The following RBCK1 variants were observed in gnomAD, a reference collection of about 807,000 sequenced individuals.
RBCK1 encodes RANBP2-type and C3HC4-type zinc finger containing 1.
Under a neutral mutation model 71.1 loss-of-function variants are expected in RBCK1, and 44 were observed. The observed-to-expected ratio is 0.62, with a 90% CI of 0.49 to 0.80. The LOEUF (loss-of-function observed/expected upper bound fraction) is 0.80, where lower values mean the gene tolerates loss of function less well. Among genes scored for constraint, RBCK1 ranks in the 30% least tolerant of loss-of-function variants. The pLI is 0.00. For synonymous variants in RBCK1, 306 were observed against 279.7 expected (o/e 1.09, Z -0.94); for missense variants, 569 against 685.0 (o/e 0.83, Z 1.89).
rs562810332 is a variant in RBCK1 at position 411,358 on chromosome 20, C to T, written c.167+1333C>T. Among the ~76,000 whole-genome samples, 7 of 152,214 alleles carry T rather than the reference C, an allele frequency of 4.6e-5. No homozygotes were observed. In the East Asian group the frequency reaches 1.4e-3, roughly 29 times the overall value. The stretch of plus-strand genomic sequence containing the variant: ...AGCTGGGACTACTGGCATGTACCAC[C>T]ACACCCGGCTAATTTTTTTTTTCTT... On this transcript the variant is annotated intron_variant, in intron 2 of 11. Transcript: ENST00000356286.
At chr20:409,385 C>T (rs571878697) in intron 1 of RBCK1, among the ~76,000 whole-genome samples, 1 of 152,318 alleles carries the variant, frequency 6.6e-6, no homozygotes, top group Non-Finnish European at 1.5e-5. Context: ...CAGGTCTTAG[C>T]TTCAGTGTTA....
chr20:427,681 G>C lies in RBCK1; in HGVS notation c.1209+189G>C, dbSNP rs372810496. The stretch of plus-strand genomic sequence containing the variant: ...CCCTGGCCCCACAGACGGAGTCCCA[G>C]CCCCAGCCCCAGATGGAGCCTCAAA... On this transcript the variant is annotated intron_variant, in intron 9 of 11. Coordinates refer to ENST00000356286, the MANE Select transcript of RBCK1 (RefSeq NM_031229.4). 1.8e-4 allele frequency among the ~76,000 whole-genome samples: 27 copies of C among 152,230 alleles called. No individual in the cohort carries two copies. In the East Asian group the frequency reaches 4.1e-3, roughly 23 times the overall value.
chr20:408,830 C>T (rs770342689), intron 1 of RBCK1, 51 bp downstream of exon 1: 12 of 1,588,088 alleles, frequency 7.6e-6, no homozygotes, highest in Non-Finnish European at 8.6e-6. Context: ...AAGTGGGCCC[C>T]GCAGGACCTG....
chr20:420,255 C>A, intron 6 of RBCK1: 1 of 985,050 alleles, frequency 1.0e-6, no homozygotes, highest in Non-Finnish European at 1.2e-6. Context: ...GGGGGATGAC[C>A]CCCGACCCCG....
chr20:420,016 A>G, intron 6 of RBCK1: 1 of 984,578 alleles, frequency 1.0e-6, no homozygotes, highest in African/African-American at 1.8e-5. Context: ...CAGCTTTGAC[A>G]CACCACACGA....
chr20:428,650 G>A lies in RBCK1; in HGVS notation c.1308+61G>A. On this transcript the variant is annotated intron_variant, in intron 10 of 11. Transcript: ENST00000356286. The surrounding 1 kb of genome is among the most constrained non-coding windows in gnomAD (Gnocchi z 5.7). ...AAGTTCTGGGATCCAGGTGGGGGCT[G>A]GGGGCTTCCCAGTAAGGGCTGTGCT... 6.7e-7 allele frequency: 1 copy of A among 1,500,900 alleles called. No individual in the cohort carries two copies. The highest frequency in any genetic ancestry group is 9.0e-7 in the Non-Finnish European group (1 of 1,114,284). 93.0% of individuals were successfully genotyped at this position (1,500,900 alleles called of 1,614,324 possible).
At chr20:420,827 C>T in intron 6 of RBCK1, 44 bp from the exon 7 acceptor site, 1 of 1,527,892 alleles carries the variant, frequency 6.5e-7, no homozygotes. Context: ...CTGACCCGCC[C>T]CCGAGGCCCT....
In RBCK1 at chr20:420,879, G is replaced by C. The variant is rs1167649288; in HGVS notation, c.765G>C (p.Gln255His). ...CCGCCCCGTGTGCCCAGCGGAAGCA[G>C]CAGCAGCAGGAGGGGAACTACCTGC... ...EALRQYQQRK[Q>H]QQQEGNYLQH... The change falls in exon 7 of 12, where the codon CAG becomes CAC. Residue 255 changes from glutamine (Q) to histidine (H), a missense_variant. Physicochemically the swap from Gln to His is conservative, Grantham distance 24. Around this residue, in one of 2 missense-constraint regions of RBCK1, gnomAD observed 358 missense variants for 375.6 expected, o/e 0.95. Transcript: ENST00000356286. 6.4e-7 allele frequency: 1 copy of C among 1,552,134 alleles called. No homozygotes were observed. The highest frequency in any genetic ancestry group is 1.4e-5 in the African/African-American group (1 of 71,776).
At chr20:413,103 C>T (rs117385292) in intron 2 of RBCK1, among the ~76,000 whole-genome samples, 2,437 of 152,266 alleles carry the variant, frequency 0.016, 25 homozygotes, top group South Asian at 0.039. Context: ...AATGTGAGTG[C>T]TTATTTCTGG....
rs2016282289 is a variant in RBCK1, at chr20:419,919, T to A, written c.756+188T>A. 8.4e-6 allele frequency: 12 copies of A among 1,420,804 alleles called. No individual in the cohort carries two copies. The South Asian group carries it at 1.8e-4, about 21-fold the overall frequency. The allele number at this position is 1,420,804 out of a possible 1,614,324, so 88.0% of individuals were successfully genotyped here. A position where few individuals can be genotyped will look rare whatever the true frequency, so the allele number is the denominator to read the frequency against. ...GCTGTGACCTGCCCTCTCTCAAAGGTCACCCTGTGGCTGAGACCCGCTCCC... is the reference window on the plus strand; with the variant it reads ...GCTGTGACCTGCCCTCTCTCAAAGGACACCCTGTGGCTGAGACCCGCTCCC... On this transcript the variant is annotated intron_variant, in intron 6 of 11. Transcript: ENST00000356286.
Position 417,906 on chromosome 20 carries a change from G to C in RBCK1, c.436G>C (p.Glu146Gln). 2 of 1,610,314 alleles carry C rather than the reference G, an allele frequency of 1.2e-6. No individual in the cohort carries two copies. Among genetic ancestry groups the C allele is most frequent in the South Asian group, 2.2e-5 (2 of 91,064 alleles). Reference protein sequence around the residue: ...TSLNPQELQRERQLRMLEDLG... With the variant: ...TSLNPQELQRQRQLRMLEDLG... ...CCTCAACCCTCAGGAGCTGCAGCGGGAGCGGCAGCTGCGGATGCTGGAAGG... is the reference window on the plus strand; with the variant it reads ...CCTCAACCCTCAGGAGCTGCAGCGGCAGCGGCAGCTGCGGATGCTGGAAGG... Residue 146 changes from glutamate (E) to glutamine (Q), a missense_variant, in exon 4 of 12, where the codon GAG (glutamate) becomes CAG (glutamine). By Grantham distance (29) the Glu-to-Gln change is conservative. Around this residue, in one of 2 missense-constraint regions of RBCK1, gnomAD observed 358 missense variants for 375.6 expected, o/e 0.95. Transcript: ENST00000356286. This position sits in a 1 kb window ranked among gnomAD's most constrained non-coding sequence, Gnocchi z 4.7.
rs1449115050 is a variant in RBCK1, at chr20:422,191, A to G, written c.982A>G (p.Asn328Asp). Residue 328 changes from asparagine to aspartate, a missense_variant, in exon 8 of 12, where the codon AAC (asparagine) becomes GAC (aspartate). Physicochemically the swap from Asn to Asp is conservative, Grantham distance 23 (BLOSUM62 1). Transcript: ENST00000356286. This position sits in a 1 kb window ranked among gnomAD's most constrained non-coding sequence, Gnocchi z 5.0. ...GGAGGTCTCCTGCCCCTTCATTGAC[A>G]ACACCTACTCGTGCTCGGGCAAGCT... is the stretch of plus-strand genomic sequence containing the variant. ...EAEVSCPFID[N>D]TYSCSGKLLE... 7 of 1,613,356 alleles carry G rather than the reference A, an allele frequency of 4.3e-6. No homozygotes were observed. Among genetic ancestry groups the G allele is most frequent in the Non-Finnish European group, 5.1e-6 (6 of 1,179,908 alleles).
chr20:421,078 G>T (rs1241934542), intron 7 of RBCK1, 47 bp downstream of exon 7: 3 of 1,487,568 alleles, frequency 2.0e-6, no homozygotes, highest in South Asian at 1.3e-5. Flanking sequence ...AATCAAAGCC[G>T]CCAATTACGC....
intron 2 of RBCK1, among the ~76,000 whole-genome samples, chr20:412,325 C>CTTTT (rs147592534): frequency 6.9e-6 from 1 of 145,580 alleles, no homozygotes. Flanking sequence ...TTGGGTTTAT[C>CTTTT]TTTTTTTTTT....
At chr20:412,090 TTCC>T (rs1276875822) in intron 2 of RBCK1, among the ~76,000 whole-genome samples, 2 of 152,192 alleles carry the variant, frequency 1.3e-5, no homozygotes, top group Non-Finnish European at 2.9e-5. Context: ...CCATTTTACA[TTCC>T]CACCAGCATA....
At chr20:420,849 T>C (rs1227855936) in intron 6 of RBCK1, 22 bp from the exon 7 acceptor site, 16 of 1,530,138 alleles carry the variant, frequency 1.0e-5, no homozygotes, top group Non-Finnish European at 1.4e-5. Flanking sequence ...ACCCGCCCCG[T>C]GGCCCCGCCC....
intron 8 of RBCK1, among the ~76,000 whole-genome samples, chr20:425,161 C>A (rs181500434): frequency 4.6e-5 from 7 of 152,192 alleles, no homozygotes; most frequent in Admixed American, 2.6e-4. Context: ...GAGGCGCACA[C>A]CGCCATGCCC....
chr20:428,957 C>T lies in RBCK1; in HGVS notation c.1315C>T (p.Leu439=). Residue 439 remains leucine (L), a synonymous_variant, in exon 11 of 12, where the codon CTG becomes TTG. Coordinates refer to ENST00000356286, the MANE Select transcript of RBCK1 (RefSeq NM_031229.4). This position sits in a 1 kb window ranked among gnomAD's most constrained non-coding sequence, Gnocchi z 5.7. ...RQTTEMLKVM[L]QQGEAMRCPQ... is the part of the protein sequence containing the mutation. ...AGCACCTGCCCCACTCCAGGTGATG[C>T]TGCAGCAGGGCGAGGCCATGCGCTG... 6.2e-7 allele frequency: 1 copy of T among 1,607,728 alleles called. No homozygotes were observed. Among genetic ancestry groups the T allele is most frequent in the Non-Finnish European group, 8.5e-7 (1 of 1,179,048 alleles).
rs745790249 is a variant in RBCK1, at chr20:427,511, C to T, written c.1209+19C>T. 1.9e-6 allele frequency: 3 copies of T among 1,609,350 alleles called. No homozygotes were observed. Among genetic ancestry groups the T allele is most frequent in the Non-Finnish European group, 2.5e-6 (3 of 1,177,968 alleles). On this transcript the variant is annotated intron_variant, in intron 9 of 11. Coordinates refer to ENST00000356286, the MANE Select transcript of RBCK1 (RefSeq NM_031229.4). ...CTGCAAGGTGGGGCCTGCAGGGACTCCCCCCACCTAGTCACTGTCATCTTG... is the reference window on the plus strand; with the variant it reads ...CTGCAAGGTGGGGCCTGCAGGGACTTCCCCCACCTAGTCACTGTCATCTTG...
Sources: gnomAD v4.1 joint callset for allele counts (sites outside exome capture counted in the v4.1 genomes callset) on GRCh38, gnomAD v4.1.1 for gene constraint, gnomAD v4.1.1 regional missense constraint, Gnocchi (gnomAD v3.1) non-coding constraint, MANE v1.5 for transcripts, NCBI Gene and HGNC (gene_info 2026-07-23, HGNC 2026-07-21) for gene names.